Variants in ANXA6 observed in about 807,000 individuals in gnomAD.
The protein encoded by ANXA6 is 67 kDa calelectrin.
In ANXA6, 71 loss-of-function variants were observed where a neutral mutation model predicts 95.4. The ratio of observed to expected loss-of-function variants is 0.74; its 90% confidence interval spans 0.61 to 0.91. The LOEUF (loss-of-function observed/expected upper bound fraction) is 0.91. ANXA6 is among the 40% of genes least tolerant of loss of function. The probability of loss-of-function intolerance (pLI) is 0.00; values close to 1 mark genes in which losing one functional copy is unlikely to be tolerated. For synonymous variants in ANXA6, 289 were observed against 315.9 expected, an observed-to-expected ratio of 0.91 and a Z score of 0.90; for missense variants, 830 against 876.4, an observed-to-expected ratio of 0.95 and a Z score of 0.67.
At chr5:151,156,991 T>G (rs1766253240) in intron 1 of ANXA6, among the ~76,000 whole-genome samples, 1 of 152,148 alleles carries the variant, frequency 6.6e-6, no homozygotes, top group Non-Finnish European at 1.5e-5. Context: ...ATATGGGGAA[T>G]TATTTGAAGC....
intron 22 of ANXA6, 30 bp downstream of exon 22, chr5:151,109,723 G>A (rs1272570141): frequency 6.5e-7 from 1 of 1,544,686 alleles, no homozygotes; most frequent in Admixed American, 1.8e-5. Context: ...TCTTCCTGCT[G>A]AGCTGGGAAG....
intron 15 of ANXA6, among the ~76,000 whole-genome samples, chr5:151,123,349 C>T (rs370741243): frequency 2.0e-5 from 3 of 152,168 alleles, no homozygotes; most frequent in African/African-American, 7.2e-5. Flanking sequence ...ACTTGGTTTC[C>T]ACATCTGTAA....
Position 151,129,483 on chromosome 5 carries a change from C to G in ANXA6, c.842G>C (p.Arg281Pro). 6.2e-7 allele frequency: 1 copy of G among 1,612,224 alleles called. No individual in the cohort carries two copies. Among genetic ancestry groups the G allele is most frequent in the Non-Finnish European group, 8.5e-7 (1 of 1,179,358 alleles). ...DNTLIRIMVS[R>P]SELDMLDIRE... is the part of the protein sequence containing the mutation. ...AATGTCGAGCATGTCCAACTCACTA[C>G]GGGAGACCATGATGCGGATCAGGGT... The change falls in exon 12 of 26, where the codon CGT (arginine) becomes CCT (proline). Residue 281 changes from arginine to proline, a missense_variant. By Grantham distance (103) the Arg-to-Pro change is moderately radical. Transcript: ENST00000354546.
At chr5:151,122,114 G>A (rs375412761) in intron 17 of ANXA6, 33 bp downstream of exon 17, 78 of 1,428,396 alleles carry the variant, frequency 5.5e-5, no homozygotes, top group African/African-American at 2.4e-4. Flanking sequence ...ATTGGCACCC[G>A]CAGACACTAG....
intron 15 of ANXA6, among the ~76,000 whole-genome samples, chr5:151,124,045 T>G (rs3815721): frequency 0.45 from 68,482 of 152,064 alleles, 16,115 homozygotes; most frequent in Admixed American, 0.59. Flanking sequence ...AGGATACTGC[T>G]TCCAGGAGGC....
At chr5:151,129,587 G>C (rs929246172) in intron 11 of ANXA6, 58 bp from the exon 12 acceptor site, 5 of 1,524,640 alleles carry the variant, frequency 3.3e-6, no homozygotes, top group African/African-American at 1.4e-5. Context: ...AGTGCTGATA[G>C]CTCCCAGCTT....
At chr5:151,124,513 G>A in intron 14 of ANXA6, 146 bp from the exon 15 acceptor site, 2 of 672,840 alleles carry the variant, frequency 3.0e-6, no homozygotes, top group Middle Eastern at 2.5e-4. Flanking sequence ...TGAAGCCACA[G>A]CAGACAGACC....
chr5:151,126,259 G>A, intron 14 of ANXA6, 143 bp downstream of exon 14: 1 of 696,164 alleles, frequency 1.4e-6, no homozygotes, highest in Non-Finnish European at 2.5e-6. Flanking sequence ...ACCACTCCAA[G>A]GGAGAAAAGG....
At chr5:151,135,822 C>T (rs145331444) in intron 7 of ANXA6, among the ~76,000 whole-genome samples, 5 of 152,246 alleles carry the variant, frequency 3.3e-5, no homozygotes, top group Non-Finnish European at 7.4e-5. Context: ...TATGGGAAAA[C>T]AAACAAAAAA....
Position 151,134,505 on chromosome 5 carries a change from A to G in ANXA6, c.490-22T>C, listed in dbSNP as rs773238326. 1.1e-5 allele frequency: 18 copies of G among 1,613,574 alleles called. No homozygotes were observed. In the South Asian group the frequency reaches 1.3e-4, roughly 12 times the overall value. On this transcript the variant is annotated intron_variant, in intron 7 of 25. Coordinates refer to ENST00000354546, the MANE Select transcript of ANXA6 (RefSeq NM_001155.5). ...TTCCCTGGGCAGAAAGACAAAGAAC[A>G]TGTGTTTCAAACACTGCAAAGTCAG...
chr5:151,124,288 A>G lies in ANXA6; in HGVS notation c.1136T>C (p.Leu379Pro). ...TGCTCCCTTCCCATCCCCCATACCG[A>G]GTCCCTTCATGGCTTTCCGCAGCGC... Reference protein sequence around the residue: ...AKALRKAMKGLGTDEDTIIDI... With the variant: ...AKALRKAMKGPGTDEDTIIDI... The change falls in exon 15 of 26, where the codon CTC becomes CCC. Residue 379 changes from leucine (L) to proline (P), a missense_variant and splice_region_variant. Leu to Pro is a moderately conservative substitution (Grantham distance 98). Coordinates refer to ENST00000354546, the MANE Select transcript of ANXA6 (RefSeq NM_001155.5). 1 of 1,613,416 alleles carries G rather than the reference A, an allele frequency of 6.2e-7. No homozygotes were observed. Among genetic ancestry groups the G allele is most frequent in the Non-Finnish European group, 8.5e-7 (1 of 1,179,678 alleles).
At chr5:151,141,460 GC>G in intron 2 of ANXA6, 1 of 951,086 alleles carries the variant, frequency 1.1e-6, no homozygotes. Context: ...AACAGCAGAG[GC>G]TGATCCAGCT....
chr5:151,115,176 A>G (rs1764962696), intron 20 of ANXA6, among the ~76,000 whole-genome samples: 1 of 152,254 alleles, frequency 6.6e-6, no homozygotes, highest in Non-Finnish European at 1.5e-5. Flanking sequence ...TTAATTTTTA[A>G]CTGTCAGAAA....
intron 7 of ANXA6, among the ~76,000 whole-genome samples, chr5:151,135,481 C>T (rs3811988): frequency 4.0e-5 from 6 of 151,888 alleles, no homozygotes; most frequent in African/African-American, 2.4e-5. Context: ...AATGGGGGAA[C>T]GAGGAAACAT....
intron 2 of ANXA6, among the ~76,000 whole-genome samples, chr5:151,145,572 G>A (rs1765954856): frequency 1.3e-5 from 2 of 152,008 alleles, no homozygotes; most frequent in South Asian, 4.1e-4. Context: ...ACTGGGGGGT[G>A]TCTAGGCCAG....
chr5:151,118,285 G>A (rs1303724792), intron 18 of ANXA6, among the ~76,000 whole-genome samples: 1 of 149,812 alleles, frequency 6.7e-6, no homozygotes, highest in Admixed American at 6.6e-5. Context: ...TTCAAGACAG[G>A]GTCTCACTCT....
At chr5:151,142,481 C>CAA (rs35440128) in intron 2 of ANXA6, among the ~76,000 whole-genome samples, 14,454 of 132,838 alleles carry the variant, frequency 0.11, 704 homozygotes, top group African/African-American at 0.13. Flanking sequence ...GACTCTGTCT[C>CAA]AAAAAAAAAA....
intron 2 of ANXA6, among the ~76,000 whole-genome samples, chr5:151,145,590 G>A (rs1281561993): frequency 2.0e-5 from 3 of 152,160 alleles, no homozygotes; most frequent in East Asian, 1.9e-4. Context: ...CAGAGAAGAC[G>A]GAGCAGTTTG....
At position 151,157,759 on chromosome 5, in the gene ANXA6, C is replaced by G. The variant is rs539712068; in HGVS notation, c.-105G>C. 6.5e-6 allele frequency: 1 copy of G among 152,764 alleles called. No individual in the cohort carries two copies. The highest frequency in any genetic ancestry group is 2.1e-4 in the South Asian group (1 of 4,834). 9.5% of individuals were successfully genotyped at this position (152,764 alleles called of 1,614,324 possible). A position where few individuals can be genotyped will look rare whatever the true frequency, so the allele number is the denominator to read the frequency against. ...ACGCAGCGCTCGCTGGATCGGAGCC[C>G]GTTAGCCCAGCAGCAACCGCAGCGC... is the stretch of plus-strand genomic sequence containing the variant. On this transcript the variant is annotated 5_prime_UTR_variant, in exon 1 of 26. Transcript: ENST00000354546.
Sources: gnomAD v4.1 joint callset for allele counts (sites outside exome capture counted in the v4.1 genomes callset) on GRCh38, gnomAD v4.1.1 for gene constraint, MANE v1.5 for transcripts, NCBI Gene and HGNC (gene_info 2026-07-23, HGNC 2026-07-21) for gene names.